MCC: variants seen among roughly 807,000 people sequenced by gnomAD.
MCC encodes the protein colorectal mutant cancer protein.
Under a neutral mutation model 116.2 loss-of-function variants are expected in MCC, and 90 were observed. The ratio of observed to expected loss-of-function variants is 0.77; its 90% confidence interval spans 0.65 to 0.92. The LOEUF (loss-of-function observed/expected upper bound fraction) is 0.92. MCC is among the 40% of genes least tolerant of loss of function. MCC has a pLI of 0.00. For synonymous variants in MCC, 578 were observed against 510.5 expected (o/e 1.13, Z -1.78); for missense variants, 1,516 against 1,312.2 (o/e 1.16, Z -2.40).
intron 16 of MCC, among the ~76,000 whole-genome samples, chr5:113,046,910 T>C (rs928154020): frequency 2.6e-5 from 4 of 152,032 alleles, no homozygotes; most frequent in Non-Finnish European, 5.9e-5. Context: ...ACATCATCTC[T>C]TGCTGAGGAC....
chr5:113,384,056 C>T (rs1769187905), intron 2 of MCC, among the ~76,000 whole-genome samples: 2 of 146,682 alleles, frequency 1.4e-5, no homozygotes, highest in South Asian at 4.2e-4. Flanking sequence ...TTTAAGATGT[C>T]TCCTTTCTTT....
intron 2 of MCC, among the ~76,000 whole-genome samples, chr5:113,361,716 A>G (rs965480312): frequency 4.6e-5 from 7 of 152,318 alleles, no homozygotes; most frequent in East Asian, 1.9e-4. Flanking sequence ...CCTTCACCCA[A>G]TGTGTGCAGG....
At position 113,488,351 on chromosome 5, in the gene MCC, T is replaced by TGCTGCC; in HGVS notation, c.63_64insGGCAGC (p.Gly21_Ser22insGlySer). The TGCTGCC allele has an allele frequency of 6.9e-7, 1 of 1,455,518 alleles. No homozygotes were observed. Among genetic ancestry groups the TGCTGCC allele is most frequent in the South Asian group, 1.4e-5 (1 of 73,690 alleles). The allele number at this position is 1,455,518 out of a possible 1,614,324, so 90.2% of individuals were successfully genotyped here. On this transcript the variant is annotated inframe_insertion, in exon 1 of 19. Transcript: ENST00000408903. ...TCGCTGCTGCTGCTGCTGCTGCCGC[T>TGCTGCC]GCCGCCGCCGCCGCCGCCGCTGCTG...
chr5:113,132,381 T>C (rs1250911516), intron 5 of MCC, among the ~76,000 whole-genome samples: 10 of 129,894 alleles, frequency 7.7e-5, no homozygotes, highest in African/African-American at 2.7e-4. Context: ...TGTATATATA[T>C]ACATACATAT....
chr5:113,285,342 C>G (rs1001443187), intron 3 of MCC, among the ~76,000 whole-genome samples: 1 of 120,066 alleles, frequency 8.3e-6, no homozygotes, highest in African/African-American at 3.1e-5. Context: ...CCCCTGCCTA[C>G]CCCGCCCCCC....
chr5:113,296,645 G>C (rs999758714), intron 3 of MCC, among the ~76,000 whole-genome samples: 1 of 152,148 alleles, frequency 6.6e-6, no homozygotes, highest in Non-Finnish European at 1.5e-5. Context: ...AGGGGGGTTG[G>C]TGTCAGACAG....
At chr5:113,153,845 C>T (rs563002801) in intron 3 of MCC, among the ~76,000 whole-genome samples, 1 of 152,350 alleles carries the variant, frequency 6.6e-6, no homozygotes, top group African/African-American at 2.4e-5. Context: ...ATGTCCCCGA[C>T]TCCATAACTG....
intron 3 of MCC, among the ~76,000 whole-genome samples, chr5:113,278,837 T>C (rs1765927866): frequency 6.6e-6 from 1 of 152,228 alleles, no homozygotes; most frequent in Non-Finnish European, 1.5e-5. Context: ...CACAGCTGAA[T>C]GCTCTTCTTG....
At chr5:113,448,844 G>T (rs1771298812) in intron 1 of MCC, among the ~76,000 whole-genome samples, 1 of 152,208 alleles carries the variant, frequency 6.6e-6, no homozygotes, top group African/African-American at 2.4e-5. Flanking sequence ...CTCCAGGACA[G>T]CTCCACAAAT....
chr5:113,224,507 T>A (rs995322087), intron 3 of MCC, among the ~76,000 whole-genome samples: 3 of 152,228 alleles, frequency 2.0e-5, no homozygotes, highest in African/African-American at 7.2e-5. Context: ...GGAACTGCCC[T>A]CGTCCTTAAG....
chr5:113,379,810 G>A (rs1326027385), intron 2 of MCC, among the ~76,000 whole-genome samples: 3 of 152,276 alleles, frequency 2.0e-5, no homozygotes, highest in East Asian at 3.9e-4. Flanking sequence ...TGGCCTAAGA[G>A]AAGCTTTGTG....
intron 1 of MCC, among the ~76,000 whole-genome samples, chr5:113,408,088 A>G (rs958956484): frequency 6.6e-6 from 1 of 152,174 alleles, no homozygotes; most frequent in African/African-American, 2.4e-5. Context: ...ACCCCAGCAA[A>G]CAACCTCAAA....
intron 3 of MCC, among the ~76,000 whole-genome samples, chr5:113,254,835 T>C (rs539659742): frequency 2.0e-5 from 3 of 152,248 alleles, no homozygotes; most frequent in Admixed American, 6.5e-5. Flanking sequence ...GTTCCCTGAG[T>C]AAACCTCCAT....
intron 3 of MCC, among the ~76,000 whole-genome samples, chr5:113,193,882 G>A (rs887712374): frequency 3.9e-5 from 6 of 151,964 alleles, no homozygotes; most frequent in African/African-American, 1.4e-4. Context: ...TCTAAGGAAT[G>A]ATTAACTGAA....
At chr5:113,464,328 T>G (rs1236166009) in intron 1 of MCC, among the ~76,000 whole-genome samples, 1 of 152,244 alleles carries the variant, frequency 6.6e-6, no homozygotes, top group Non-Finnish European at 1.5e-5. Context: ...ACTCTTCTTT[T>G]CTCACTCCAG....
Position 113,460,887 on chromosome 5 carries a change from A to G in MCC, c.170+27358T>C, listed in dbSNP as rs113692491. 9.6e-4 allele frequency among the ~76,000 whole-genome samples: 146 copies of G among 152,312 alleles called. 4 individuals carry two copies. Among genetic ancestry groups the G allele is most frequent in the African/African-American group, 3.3e-3 (137 of 41,578 alleles). ...AATTTGCAATTTAACAATGTCCCCA[A>G]ATGATTTTAGCTGCACATCAAAATT... On this transcript the variant is annotated intron_variant, in intron 1 of 18. Coordinates refer to ENST00000408903, the MANE Select transcript of MCC (RefSeq NM_001085377.2).
At chr5:113,439,664 A>C (rs1023960274) in intron 1 of MCC, among the ~76,000 whole-genome samples, 1 of 152,132 alleles carries the variant, frequency 6.6e-6, no homozygotes, top group African/African-American at 2.4e-5. Flanking sequence ...GTGGTGGTTA[A>C]TCTTATGTTG....
chr5:113,172,236 A>T (rs897383745), intron 3 of MCC, among the ~76,000 whole-genome samples: 1 of 152,198 alleles, frequency 6.6e-6, no homozygotes, highest in African/African-American at 2.4e-5. Flanking sequence ...AGGTGACAGC[A>T]ATGTTTTTGT....
At chr5:113,089,847 A>G (rs1254802798) in intron 8 of MCC, among the ~76,000 whole-genome samples, 1 of 152,222 alleles carries the variant, frequency 6.6e-6, no homozygotes, top group Non-Finnish European at 1.5e-5. Context: ...GATTCAGTGG[A>G]TCATGGAGTT....
Sources: allele counts gnomAD v4.1 joint callset (sites outside exome capture counted in the v4.1 genomes callset), GRCh38; gene constraint gnomAD v4.1.1; transcripts MANE v1.5; gene names NCBI Gene and HGNC (gene_info 2026-07-23, HGNC 2026-07-21).